Variants in PLET1 observed in about 807,000 individuals in gnomAD.
The protein encoded by PLET1 is placenta expressed transcript 1, also known as placenta-expressed transcript 1 protein.
PLET1 carries 20 observed loss-of-function variants against 18.5 expected under a neutral mutation model. The observed-to-expected ratio is 1.08, with a 90% CI of 0.76 to 1.57. The LOEUF is 1.57. Among genes scored for constraint, PLET1 ranks in the 40% most tolerant of loss-of-function variants. The probability of loss-of-function intolerance (pLI) is 0.00; values close to 1 mark genes in which losing one functional copy is unlikely to be tolerated. For synonymous variants in PLET1, 93 were observed against 93.8 expected, an observed-to-expected ratio of 0.99 and a Z score of 0.05; for missense variants, 256 against 246.4, an observed-to-expected ratio of 1.04 and a Z score of -0.26.
intron 1 of PLET1, among the ~76,000 whole-genome samples, chr11:112,257,341 G>A (rs911492814): frequency 3.3e-5 from 5 of 150,060 alleles, no homozygotes; most frequent in African/African-American, 1.2e-4. Flanking sequence ...TCCCACCTCT[G>A]GACCAATTTA....
At chr11:112,254,451 GGT>G (rs780157283) in intron 2 of PLET1, among the ~76,000 whole-genome samples, 1 of 146,756 alleles carries the variant, frequency 6.8e-6, no homozygotes, top group African/African-American at 2.5e-5. Flanking sequence ...ACGTGTGTGT[GGT>G]GTGTGTGGTG....
At chr11:112,255,837 G>C (rs761120039) in intron 1 of PLET1, among the ~76,000 whole-genome samples, 2 of 152,152 alleles carry the variant, frequency 1.3e-5, no homozygotes, top group Non-Finnish European at 2.9e-5. Context: ...AGTGCTTTTT[G>C]GTTGTTTTCC....
intron 2 of PLET1, 145 bp from the exon 3 acceptor site, chr11:112,252,554 G>A: frequency 2.8e-6 from 2 of 703,062 alleles, no homozygotes; most frequent in Non-Finnish European, 4.8e-6. Context: ...TTAAATACTG[G>A]TCTGCTTTTG....
At chr11:112,255,911 C>T (rs989733594) in intron 1 of PLET1, among the ~76,000 whole-genome samples, 1 of 152,142 alleles carries the variant, frequency 6.6e-6, no homozygotes, top group African/African-American at 2.4e-5. Flanking sequence ...TTGCTACACA[C>T]GAGGGGTGAG....
intron 2 of PLET1, among the ~76,000 whole-genome samples, chr11:112,254,792 GGT>G (rs377372753): frequency 2.9e-5 from 4 of 138,516 alleles, no homozygotes; most frequent in African/African-American, 1.1e-4. Context: ...GTGTGTGTGT[GGT>G]GTGTGGTGCA....
chr11:112,259,758 C>T (rs946830708), intron 1 of PLET1, among the ~76,000 whole-genome samples: 1 of 152,156 alleles, frequency 6.6e-6, no homozygotes, highest in African/African-American at 2.4e-5. Context: ...ACACTGGAGG[C>T]TGGGTACAGT....
intron 3 of PLET1, 99 bp downstream of exon 3, chr11:112,252,249 G>A (rs772180453): frequency 3.2e-5 from 33 of 1,031,932 alleles, no homozygotes; most frequent in Middle Eastern, 2.0e-4. Flanking sequence ...TGAGTGATGC[G>A]TGGTAAGAAG....
At chr11:112,260,133 A>T in intron 1 of PLET1, 1 of 375,224 alleles carries the variant, frequency 2.7e-6, no homozygotes, top group Non-Finnish European at 4.8e-6. Context: ...TAAGTCAGAG[A>T]ATCTACCCCA....
rs1489308450 is a variant in PLET1 at position 112,248,967 on chromosome 11, G to A, written c.456C>T (p.Thr152=). 1.3e-6 allele frequency: 2 copies of A among 1,550,214 alleles called. No homozygotes were observed. Among genetic ancestry groups the A allele is most frequent in the Admixed American group, 3.9e-5 (2 of 50,972 alleles). The change falls in exon 4 of 4, where the codon ACC becomes ACT. Residue 152 remains threonine, a synonymous_variant. Coordinates refer to ENST00000338832, the MANE Select transcript of PLET1 (RefSeq NM_001145024.1). The stretch of plus-strand genomic sequence containing the variant: ...GGGGAATCTTGGCAGCTAAGGCTAA[G>A]GTTGACACTGGAAAGGTGGTTGAGG... ...STLKLREKLS[T]LALAAKIPQS... is the part of the protein sequence containing the mutation.
rs1225476286 is a variant in PLET1 at position 112,252,454 on chromosome 11, C to T, written c.387-45G>A. The T allele has an allele frequency of 3.0e-5, 45 of 1,503,374 alleles. No homozygotes were observed. The Admixed American group carries it at 4.8e-4, about 16-fold the overall frequency. The allele number at this position is 1,503,374 out of a possible 1,614,324, so 93.1% of individuals were successfully genotyped here. On this transcript the variant is annotated intron_variant, in intron 2 of 3. Coordinates refer to ENST00000338832, the MANE Select transcript of PLET1 (RefSeq NM_001145024.1). ...GAGAGATAATGCTGAGGACCTCATG[C>T]GGAATTCACAAGTTCAGCTCACATT...
chr11:112,251,018 C>T (rs984184831), intron 3 of PLET1, among the ~76,000 whole-genome samples: 1 of 152,166 alleles, frequency 6.6e-6, no homozygotes, highest in Non-Finnish European at 1.5e-5. Flanking sequence ...AGGCAGCATG[C>T]TAGGTGTCTT....
At chr11:112,249,004 A>G (rs1035333983) in intron 3 of PLET1, 30 bp from the exon 4 acceptor site, 23 of 1,543,820 alleles carry the variant, frequency 1.5e-5, no homozygotes, top group Non-Finnish European at 2.0e-5. Flanking sequence ...TGCGGTTGGC[A>G]CTGGAAAATG....
chr11:112,250,914 T>C (rs1860149037), intron 3 of PLET1, among the ~76,000 whole-genome samples: 1 of 152,240 alleles, frequency 6.6e-6, no homozygotes, highest in African/African-American at 2.4e-5. Context: ...GACATTCATA[T>C]AATAGTTTCA....
intron 1 of PLET1, 77 bp from the exon 2 acceptor site, chr11:112,255,666 C>A (rs1175456720): frequency 4.8e-6 from 6 of 1,253,836 alleles, no homozygotes; most frequent in African/African-American, 3.0e-5. Flanking sequence ...GCAGTGAAAT[C>A]AAAACAAAGC....
Position 112,260,645 on chromosome 11 carries a change from AC to A in PLET1, c.-57del. The A allele has an allele frequency of 6.9e-7, 1 of 1,448,132 alleles. No homozygotes were observed. Among genetic ancestry groups the A allele is most frequent in the Non-Finnish European group, 9.4e-7 (1 of 1,068,688 alleles). The allele number at this position is 1,448,132 out of a possible 1,614,324, so 89.7% of individuals were successfully genotyped here. A position where few individuals can be genotyped will look rare whatever the true frequency, so the allele number is the denominator to read the frequency against. ...TGGAATTGGGTGAAACTGACAACTC[AC>A]CTCTTGTTTATATGCCAGGGCTTCT... On this transcript the variant is annotated 5_prime_UTR_variant, in exon 1 of 4. It removes the in-frame stop codon of an upstream open reading frame in the 5' UTR. Transcript: ENST00000338832.
intron 1 of PLET1, among the ~76,000 whole-genome samples, chr11:112,255,911 C>G (rs989733594): frequency 6.6e-6 from 1 of 152,142 alleles, no homozygotes. Flanking sequence ...TTGCTACACA[C>G]GAGGGGTGAG....
Position 112,248,763 on chromosome 11 carries a change from A to G in PLET1, c.*36T>C, listed in dbSNP as rs1186840047. On this transcript the variant is annotated 3_prime_UTR_variant, in exon 4 of 4. Transcript: ENST00000338832. The stretch of plus-strand genomic sequence containing the variant: ...CTTGGAACTGAATGTAGGAGGATGC[A>G]GTGGAGGCAGAAACAATTGTTTCCC... The G allele has an allele frequency of 6.5e-7, 1 of 1,542,372 alleles. No individual in the cohort carries two copies. Among genetic ancestry groups the G allele is most frequent in the Non-Finnish European group, 8.8e-7 (1 of 1,139,568 alleles).
intron 3 of PLET1, among the ~76,000 whole-genome samples, chr11:112,252,133 C>T (rs1456501878): frequency 1.3e-5 from 2 of 152,082 alleles, no homozygotes; most frequent in Non-Finnish European, 2.9e-5. Flanking sequence ...TGGGAATTTG[C>T]AGAAATCTTG....
Position 112,250,220 on chromosome 11 carries a change from C to CTTTTTTTTTTT in PLET1, c.449-1257_449-1247dup, listed in dbSNP as rs33963716. Among the ~76,000 whole-genome samples the CTTTTTTTTTTT allele has an allele frequency of 4.5e-3, 225 of 49,858 alleles. 2 individuals carry two copies. The highest frequency in any genetic ancestry group is 6.0e-3 in the South Asian group (4 of 670). The allele number at this position is 49,858 out of a possible 152,430, so 32.7% of individuals were successfully genotyped here. On this transcript the variant is annotated intron_variant, in intron 3 of 3. Coordinates refer to ENST00000338832, the MANE Select transcript of PLET1 (RefSeq NM_001145024.1). ...TAACGAGTCCTGACTAGAAACAAAC[C>CTTTTTTTTTTT]TTTTTTTTTTTTTTTTTTTTTTTTT... is the stretch of plus-strand genomic sequence containing the variant.
Sources: gnomAD v4.1 joint callset for allele counts (sites outside exome capture counted in the v4.1 genomes callset) on GRCh38, gnomAD v4.1.1 for gene constraint, MANE v1.5 for transcripts, NCBI Gene and HGNC (gene_info 2026-07-23, HGNC 2026-07-21) for gene names.